The following SH3PXD2A variants were observed in gnomAD, a reference collection of about 807,000 sequenced individuals.
SH3PXD2A encodes SH3 and PX domain-containing protein 2A.
A neutral mutation model predicts 115.2 loss-of-function variants in SH3PXD2A; 32 were observed. That is an observed-to-expected ratio of 0.28 (90% CI 0.21 to 0.37). SH3PXD2A has a LOEUF of 0.37. SH3PXD2A is among the 10% of genes least tolerant of loss of function. The pLI, the probability that SH3PXD2A is intolerant of heterozygous loss-of-function variation, is 1.00. For synonymous variants in SH3PXD2A, 610 were observed against 629.1 expected (o/e 0.97, Z 0.45); for missense variants, 1,328 against 1,498.7 (o/e 0.89, Z 1.88).
At chr10:103,660,093 C>G (rs2037269118) in intron 8 of SH3PXD2A, among the ~76,000 whole-genome samples, 1 of 152,124 alleles carries the variant, frequency 6.6e-6, no homozygotes, top group African/African-American at 2.4e-5. Context: ...CACCAAACAC[C>G]ACTCAGAGAG....
chr10:103,817,901 C>T (rs1046238552), intron 1 of SH3PXD2A, among the ~76,000 whole-genome samples: 4 of 151,924 alleles, frequency 2.6e-5, no homozygotes, highest in South Asian at 2.1e-4. Context: ...TTGTGGTTGC[C>T]GAGAGCTGTG....
At chr10:103,605,718 A>G (rs1680838089) in intron 14 of SH3PXD2A, 80 bp downstream of exon 14, 2 of 1,580,852 alleles carry the variant, frequency 1.3e-6, no homozygotes, top group Admixed American at 1.7e-5. Context: ...GAATCTTACT[A>G]GCAAGGCCTA....
chr10:103,837,457 A>G (rs1211452350), intron 1 of SH3PXD2A, among the ~76,000 whole-genome samples: 3 of 152,314 alleles, frequency 2.0e-5, no homozygotes, highest in East Asian at 3.9e-4. Context: ...GGTGGGTTCC[A>G]GGGATGACAA....
At chr10:103,608,162 A>AAAAAAAGTTTACAAAAAAAAAAAG (rs1477742217) in intron 13 of SH3PXD2A, among the ~76,000 whole-genome samples, 1 of 145,378 alleles carries the variant, frequency 6.9e-6, no homozygotes, top group Non-Finnish European at 1.5e-5. Context: ...AAAAAAAAAA[A>AAAAAAAGTTTACAAAAAAAAAAAG]AAAAAAAAGA....
At chr10:103,718,069 C>T (rs1021799353) in intron 5 of SH3PXD2A, among the ~76,000 whole-genome samples, 2 of 150,948 alleles carry the variant, frequency 1.3e-5, no homozygotes, top group African/African-American at 2.4e-5. Flanking sequence ...TGCAGTGGTG[C>T]AATCATAGTT....
chr10:103,632,034 G>A (rs2036788068), intron 8 of SH3PXD2A, among the ~76,000 whole-genome samples: 1 of 152,108 alleles, frequency 6.6e-6, no homozygotes, highest in Non-Finnish European at 1.5e-5. Flanking sequence ...CTAGGTGGTG[G>A]TATGTGTCTG....
In SH3PXD2A at chr10:103,732,451, G is replaced by A. The variant is rs181827295; in HGVS notation, c.306+3281C>T. ...TGCCACATAAAATGATCACTCAGTCGGCATGTGGTAAATTTTCCGTGATTC... is the reference window on the plus strand; with the variant it reads ...TGCCACATAAAATGATCACTCAGTCAGCATGTGGTAAATTTTCCGTGATTC... On this transcript the variant is annotated intron_variant, in intron 4 of 14. Transcript: ENST00000369774. Among the ~76,000 whole-genome samples the A allele has an allele frequency of 1.1e-4, 16 of 152,296 alleles. 1 individual carries two copies. The East Asian group carries it at 2.9e-3, about 28-fold the overall frequency.
At chr10:103,698,332 C>T (rs1247192303) in intron 5 of SH3PXD2A, among the ~76,000 whole-genome samples, 12 of 152,252 alleles carry the variant, frequency 7.9e-5, no homozygotes, top group Admixed American at 7.8e-4. Flanking sequence ...CCCCTCACCA[C>T]TCTCCCTCCC....
intron 8 of SH3PXD2A, among the ~76,000 whole-genome samples, chr10:103,656,552 G>A (rs2037214963): frequency 6.6e-6 from 1 of 152,220 alleles, no homozygotes; most frequent in Non-Finnish European, 1.5e-5. Context: ...CATGGTAGCT[G>A]GGCGCGGTGG....
intron 5 of SH3PXD2A, among the ~76,000 whole-genome samples, chr10:103,702,752 A>C (rs2037934840): frequency 6.6e-6 from 1 of 152,124 alleles, no homozygotes; most frequent in Non-Finnish European, 1.5e-5. Context: ...AGTATTCCTA[A>C]AGAGAGATTC....
At chr10:103,853,136 T>C (rs1842911420) in intron 1 of SH3PXD2A, among the ~76,000 whole-genome samples, 1 of 152,168 alleles carries the variant, frequency 6.6e-6, no homozygotes, top group Admixed American at 6.5e-5. Flanking sequence ...CGATTCTTAC[T>C]CGGGAAGCGG....
rs76163901 is a variant in SH3PXD2A, at chr10:103,773,413, A to T, written c.154-6244T>A. 1.8e-3 allele frequency among the ~76,000 whole-genome samples: 265 copies of T among 151,384 alleles called. 3 individuals are homozygous for T. In the East Asian group the frequency reaches 0.033, roughly 19 times the overall value. On this transcript the variant is annotated intron_variant, in intron 2 of 14. Coordinates refer to ENST00000369774, the MANE Select transcript of SH3PXD2A (RefSeq NM_001394015.1). The stretch of plus-strand genomic sequence containing the variant: ...GAAGAAGAGAGGGACAATAATGATA[A>T]GTGTGGTTTTTCTTCTCTTTTCTTT...
intron 4 of SH3PXD2A, among the ~76,000 whole-genome samples, chr10:103,733,088 C>T (rs1469809379): frequency 6.6e-6 from 1 of 151,910 alleles, no homozygotes; most frequent in African/African-American, 2.4e-5. Flanking sequence ...GAGTAAATCA[C>T]CGCCTGTGAG....
At chr10:103,833,808 G>A (rs763289483) in intron 1 of SH3PXD2A, among the ~76,000 whole-genome samples, 1 of 152,232 alleles carries the variant, frequency 6.6e-6, no homozygotes, top group Non-Finnish European at 1.5e-5. Flanking sequence ...GCCCCCAAGA[G>A]AGAAGTCCTA....
At chr10:103,776,385 A>C (rs2038877980) in intron 2 of SH3PXD2A, among the ~76,000 whole-genome samples, 1 of 134,954 alleles carries the variant, frequency 7.4e-6, no homozygotes, top group African/African-American at 3.1e-5. Context: ...AGAGCTAGAC[A>C]CCACTGTCTC....
intron 8 of SH3PXD2A, among the ~76,000 whole-genome samples, chr10:103,642,649 G>A (rs1257275062): frequency 6.6e-6 from 1 of 152,070 alleles, no homozygotes. Flanking sequence ...CCAGTGTTGT[G>A]GGGAGAAAAA....
chr10:103,615,164 T>G (rs1355217578), intron 11 of SH3PXD2A, among the ~76,000 whole-genome samples: 2 of 152,342 alleles, frequency 1.3e-5, no homozygotes, highest in Non-Finnish European at 2.9e-5. Flanking sequence ...CAGAGCCTGG[T>G]GCTCTTGCAT....
chr10:103,782,756 G>A (rs1177931944), intron 2 of SH3PXD2A, among the ~76,000 whole-genome samples: 2 of 150,828 alleles, frequency 1.3e-5, no homozygotes, highest in African/African-American at 2.4e-5. Context: ...CCAGACTTTG[G>A]GAGGCTGAGG....
In SH3PXD2A at chr10:103,746,442, C is replaced by A. The variant is rs771512113; in HGVS notation, c.230-10634G>T. On this transcript the variant is annotated intron_variant, in intron 3 of 14. Coordinates refer to ENST00000369774, the MANE Select transcript of SH3PXD2A (RefSeq NM_001394015.1). This position sits in a 1 kb window ranked among gnomAD's most constrained non-coding sequence, Gnocchi z 4.4. Reference sequence around the variant, plus strand: ...TCAAGTGATTCTCCCACTTCAGCCTCCGGAGTAGCTGGGATTACAGGCATG... The same window carrying A: ...TCAAGTGATTCTCCCACTTCAGCCTACGGAGTAGCTGGGATTACAGGCATG... Among the ~76,000 whole-genome samples the A allele has an allele frequency of 6.6e-6, 1 of 152,138 alleles. No individual in the cohort carries two copies. Among genetic ancestry groups the A allele is most frequent in the Non-Finnish European group, 1.5e-5 (1 of 68,036 alleles).
Sources: gnomAD v4.1 joint callset for allele counts (sites outside exome capture counted in the v4.1 genomes callset) on GRCh38, gnomAD v4.1.1 for gene constraint, Gnocchi (gnomAD v3.1) non-coding constraint, MANE v1.5 for transcripts, NCBI Gene and HGNC (gene_info 2026-07-23, HGNC 2026-07-21) for gene names.